SNTG2: variants seen among roughly 807,000 people sequenced by gnomAD.
SNTG2 encodes gamma-2-syntrophin.
Under a neutral mutation model 70.9 loss-of-function variants are expected in SNTG2, and 74 were observed. The ratio of observed to expected loss-of-function variants is 1.04; its 90% confidence interval spans 0.86 to 1.27. SNTG2 has a LOEUF of 1.27. Ranked by LOEUF, SNTG2 falls within the 50% of genes most tolerant of loss-of-function variation. The pLI, the probability that SNTG2 is intolerant of heterozygous loss-of-function variation, is 0.00. For synonymous variants in SNTG2, 278 were observed against 273.8 expected (o/e 1.02, Z -0.15); for missense variants, 717 against 690.7 (o/e 1.04, Z -0.43).
intron 1 of SNTG2, among the ~76,000 whole-genome samples, chr2:1,017,384 CACAT>C (rs200944408): frequency 2.6e-3 from 402 of 152,302 alleles, no homozygotes; most frequent in African/African-American, 9.0e-3. Context: ...CACGTATACA[CACAT>C]ACACATGCAG....
rs1419933227 is a variant in SNTG2 at position 1,222,134 on chromosome 2, T to G, written c.719+12904T>G. 3.6e-5 allele frequency among the ~76,000 whole-genome samples: 5 copies of G among 139,178 alleles called. 1 individual carries two copies. The highest frequency in any genetic ancestry group is 1.5e-4 in the Admixed American group (2 of 13,728). 91.3% of individuals were successfully genotyped at this position (139,178 alleles called of 152,430 possible). ...CTCTCTGTCTCTCTCTGTCTCTCTC[T>G]GTCTCTCTCTGTCTCTGCCTATCTC... On this transcript the variant is annotated intron_variant, in intron 9 of 16. Transcript: ENST00000308624.
At chr2:961,783 A>G (rs1046215737) in intron 1 of SNTG2, among the ~76,000 whole-genome samples, 3 of 152,132 alleles carry the variant, frequency 2.0e-5, no homozygotes, top group Non-Finnish European at 4.4e-5. Context: ...GATCTTGCTC[A>G]GAGAAAGGAA....
At chr2:1,146,950 G>T (rs1669143287) in intron 6 of SNTG2, among the ~76,000 whole-genome samples, 1 of 152,164 alleles carries the variant, frequency 6.6e-6, no homozygotes. Context: ...AAGCATGTTT[G>T]TGCATGTATA....
chr2:996,298 C>A (rs754208589), intron 1 of SNTG2, among the ~76,000 whole-genome samples: 1 of 152,156 alleles, frequency 6.6e-6, no homozygotes, highest in Non-Finnish European at 1.5e-5. Flanking sequence ...ACTTCGACTG[C>A]CAGAAATCAG....
chr2:954,328 T>C (rs1660074539), intron 1 of SNTG2, among the ~76,000 whole-genome samples: 1 of 152,202 alleles, frequency 6.6e-6, no homozygotes, highest in Non-Finnish European at 1.5e-5. Flanking sequence ...CGAAGGTCAC[T>C]TTGTATCTGA....
At chr2:1,308,642 C>T in intron 15 of SNTG2, 56 bp downstream of exon 15, 1 of 1,403,528 alleles carries the variant, frequency 7.1e-7, no homozygotes. Flanking sequence ...TGGTTACATT[C>T]CATGGGCGTT....
At chr2:1,120,463 A>G (rs1667310700) in intron 4 of SNTG2, among the ~76,000 whole-genome samples, 1 of 152,206 alleles carries the variant, frequency 6.6e-6, no homozygotes, top group Non-Finnish European at 1.5e-5. Flanking sequence ...ATAGTGGTGA[A>G]GTAGACTGAA....
chr2:1,225,835 C>A (rs185160914), intron 9 of SNTG2, among the ~76,000 whole-genome samples: 2 of 152,312 alleles, frequency 1.3e-5, no homozygotes, highest in African/African-American at 4.8e-5. Flanking sequence ...TCTTTCTCAT[C>A]TTTGACTCAG....
chr2:1,122,672 G>A (rs1181543992), intron 4 of SNTG2, among the ~76,000 whole-genome samples: 1 of 148,772 alleles, frequency 6.7e-6, no homozygotes, highest in Non-Finnish European at 1.5e-5. Flanking sequence ...GCCCAGTCTT[G>A]CCGATTTTAT....
At chr2:1,182,693 G>A (rs1350454918) in intron 8 of SNTG2, among the ~76,000 whole-genome samples, 1 of 152,128 alleles carries the variant, frequency 6.6e-6, no homozygotes, top group Non-Finnish European at 1.5e-5. Flanking sequence ...CATCTTTGTC[G>A]AGGATAGCAT....
intron 15 of SNTG2, among the ~76,000 whole-genome samples, chr2:1,315,548 A>G (rs953271352): frequency 6.6e-6 from 1 of 152,184 alleles, no homozygotes; most frequent in Non-Finnish European, 1.5e-5. Context: ...TGAAGTATCT[A>G]TAATTAAAGA....
chr2:1,092,136 CTA>C (rs773097453), intron 2 of SNTG2, among the ~76,000 whole-genome samples: 10 of 152,132 alleles, frequency 6.6e-5, no homozygotes, highest in Non-Finnish European at 1.3e-4. Flanking sequence ...AAATAAAACT[CTA>C]TGAGTATTTT....
intron 9 of SNTG2, among the ~76,000 whole-genome samples, chr2:1,215,742 C>A (rs1157252839): frequency 6.5e-5 from 9 of 138,402 alleles, no homozygotes; most frequent in Non-Finnish European, 1.2e-4. Context: ...GTGTGATGTT[C>A]CCCTTCCTGT....
chr2:1,222,224 G>C (rs1023626651), intron 9 of SNTG2, among the ~76,000 whole-genome samples: 1 of 151,996 alleles, frequency 6.6e-6, no homozygotes, highest in South Asian at 2.1e-4. Context: ...TTTCACCTCT[G>C]AGGATTATTC....
rs538689958 is a variant in SNTG2, at chr2:1,324,103, C to G, written c.1488+7728C>G. Among the ~76,000 whole-genome samples the G allele has an allele frequency of 1.1e-4, 16 of 151,806 alleles. 1 individual carries two copies. The South Asian group carries it at 3.3e-3, about 31-fold the overall frequency. ...GGGTAACAGTCACATGCCTGAGACCCCCCAGTAGTCTGGGACATGGCTAAC... is the reference window on the plus strand; with the variant it reads ...GGGTAACAGTCACATGCCTGAGACCGCCCAGTAGTCTGGGACATGGCTAAC... On this transcript the variant is annotated intron_variant, in intron 16 of 16. Coordinates refer to ENST00000308624, the MANE Select transcript of SNTG2 (RefSeq NM_018968.4).
At chr2:1,183,891 CAA>C (rs1672088614) in intron 8 of SNTG2, among the ~76,000 whole-genome samples, 1 of 151,414 alleles carries the variant, frequency 6.6e-6, no homozygotes, top group Admixed American at 6.6e-5. Context: ...TTTTCTCAAA[CAA>C]ATATAAGGAA....
intron 1 of SNTG2, among the ~76,000 whole-genome samples, chr2:1,067,264 T>C (rs1663222169): frequency 6.6e-6 from 1 of 152,256 alleles, no homozygotes; most frequent in Non-Finnish European, 1.5e-5. Flanking sequence ...TTTGCACCAA[T>C]GGGTAATGAG....
intron 9 of SNTG2, among the ~76,000 whole-genome samples, chr2:1,233,244 A>G (rs186013314): frequency 6.6e-6 from 1 of 152,338 alleles, no homozygotes; most frequent in East Asian, 1.9e-4. Flanking sequence ...CCCACAGCAC[A>G]AGGGAAGCAG....
Position 1,136,347 on chromosome 2 carries a change from C to T in SNTG2, c.326-1275C>T, listed in dbSNP as rs142114017. Among the ~76,000 whole-genome samples the T allele has an allele frequency of 3.0e-3, 451 of 151,484 alleles. 1 individual carries two copies. The highest frequency in any genetic ancestry group is 0.01 in the African/African-American group (427 of 41,280). On this transcript the variant is annotated intron_variant, in intron 4 of 16. Transcript: ENST00000308624. ...AGAGACACAGAGACAGTGAGAGACA[C>T]CGAGAGGGAGGGGGGCAGTTTGAAC...
Sources: gnomAD v4.1 joint callset for allele counts (sites outside exome capture counted in the v4.1 genomes callset) on GRCh38, gnomAD v4.1.1 for gene constraint, MANE v1.5 for transcripts, NCBI Gene and HGNC (gene_info 2026-07-23, HGNC 2026-07-21) for gene names.